CORIN: variants seen among roughly 807,000 people sequenced by gnomAD.
CORIN encodes corin, serine peptidase.
Under a neutral mutation model 125.3 loss-of-function variants are expected in CORIN, and 117 were observed. The ratio of observed to expected loss-of-function variants is 0.93; its 90% CI spans 0.80 to 1.09. The LOEUF (loss-of-function observed/expected upper bound fraction) is 1.09. CORIN is among the 50% of genes least tolerant of loss of function. CORIN has a pLI of 0.00. For synonymous variants in CORIN, 450 were observed against 466.4 expected (o/e 0.96, Z 0.45); for missense variants, 1,253 against 1,306.7 (o/e 0.96, Z 0.63).
chr4:47,645,053 C>G (rs1043566871), intron 14 of CORIN, 28 bp downstream of exon 14: 1 of 1,310,412 alleles, frequency 7.6e-7, no homozygotes, highest in African/African-American at 1.5e-5. Context: ...TAAAAATGCT[C>G]TGTTGACAAA....
At chr4:47,700,062 C>T (rs1726216823) in intron 5 of CORIN, among the ~76,000 whole-genome samples, 1 of 152,152 alleles carries the variant, frequency 6.6e-6, no homozygotes, top group Non-Finnish European at 1.5e-5. Context: ...CTGTTGGCTG[C>T]TTTATACACA....
At chr4:47,652,290 G>A (rs1346163209) in intron 13 of CORIN, among the ~76,000 whole-genome samples, 9 of 152,156 alleles carry the variant, frequency 5.9e-5, no homozygotes, top group Admixed American at 5.9e-4. Context: ...ATTTATAGGA[G>A]CTGACAGGAT....
At chr4:47,790,318 G>A (rs1446823753) in intron 2 of CORIN, 2 of 347,440 alleles carry the variant, frequency 5.8e-6, no homozygotes, top group Non-Finnish European at 8.1e-6. Flanking sequence ...GTGCACTGGG[G>A]TGGAGCCTCA....
intron 5 of CORIN, among the ~76,000 whole-genome samples, chr4:47,731,671 C>T (rs1176208626): frequency 1.3e-5 from 2 of 152,118 alleles, no homozygotes; most frequent in African/African-American, 2.4e-5. Context: ...GAGTTCGAGA[C>T]TAGCCTGGCC....
chr4:47,772,866 G>A (rs1011110526), intron 3 of CORIN, among the ~76,000 whole-genome samples: 1 of 152,068 alleles, frequency 6.6e-6, no homozygotes, highest in African/African-American at 2.4e-5. Flanking sequence ...TAAGAAAATT[G>A]AGGCAGAAAG....
intron 5 of CORIN, among the ~76,000 whole-genome samples, chr4:47,716,634 ATGT>A (rs1236460970): frequency 2.6e-5 from 4 of 152,302 alleles, no homozygotes; most frequent in African/African-American, 7.2e-5. Context: ...ACACAGAATA[ATGT>A]TGTTCAAATA....
rs780867018 is a variant in CORIN at position 47,744,434 on chromosome 4, C to A, written c.767G>T (p.Cys256Phe). 4 of 1,613,954 alleles carry A rather than the reference C, an allele frequency of 2.5e-6. No individual in the cohort carries two copies. In the South Asian group the frequency reaches 4.4e-5, roughly 18 times the overall value. ...QTESSNVSRI[C>F]FSPQQENGKQ... is the part of the protein sequence containing the mutation. ...TCCGTTTTCCTGCTGAGGTGAGAAG[C>A]AAATTCTGCTGACATTGCTGCTTTC... The change falls in exon 5 of 22, where the codon TGC (cysteine) becomes TTC (phenylalanine). Residue 256 changes from cysteine to phenylalanine, a missense_variant. By Grantham distance (205) the Cys-to-Phe change is radical. Transcript: ENST00000273857.
intron 20 of CORIN, among the ~76,000 whole-genome samples, chr4:47,600,932 G>A (rs941596252): frequency 2.0e-5 from 3 of 152,256 alleles, no homozygotes; most frequent in African/African-American, 4.8e-5. Flanking sequence ...GAGAGAATAT[G>A]TGAATTCCAT....
intron 3 of CORIN, among the ~76,000 whole-genome samples, chr4:47,783,020 G>A (rs988938522): frequency 6.6e-6 from 1 of 151,918 alleles, no homozygotes; most frequent in African/African-American, 2.4e-5. Context: ...GATGTGATAA[G>A]AGAACAGAAC....
intron 4 of CORIN, among the ~76,000 whole-genome samples, chr4:47,762,722 A>C (rs1243044479): frequency 2.0e-5 from 3 of 152,224 alleles, no homozygotes; most frequent in African/African-American, 7.2e-5. Context: ...CACCATGCTC[A>C]CATGAATTAT....
chr4:47,821,878 T>G (rs1000601379), intron 1 of CORIN, among the ~76,000 whole-genome samples: 7 of 152,184 alleles, frequency 4.6e-5, no homozygotes, highest in Non-Finnish European at 1.0e-4. Context: ...TCTATAAATG[T>G]TTAATACTTG....
chr4:47,709,977 G>T (rs1315193098), intron 5 of CORIN, among the ~76,000 whole-genome samples: 1 of 152,188 alleles, frequency 6.6e-6, no homozygotes, highest in Admixed American at 6.5e-5. Context: ...GTCTAGAGTT[G>T]ATGAGTCTCA....
chr4:47,694,823 C>T (rs1478423776), intron 5 of CORIN, among the ~76,000 whole-genome samples: 1 of 152,002 alleles, frequency 6.6e-6, no homozygotes, highest in Non-Finnish European at 1.5e-5. Flanking sequence ...TACCTAAATC[C>T]CTAATAGAAC....
chr4:47,765,035 G>A (rs1360991898), intron 3 of CORIN, among the ~76,000 whole-genome samples: 2 of 152,092 alleles, frequency 1.3e-5, no homozygotes, highest in Non-Finnish European at 1.5e-5. Flanking sequence ...CTAGGGGCCG[G>A]GTGCGGTGGC....
chr4:47,786,722 T>TA lies in CORIN; in HGVS notation c.409+2dup, dbSNP rs773616199. 1 of 1,612,902 alleles carries TA rather than the reference T, an allele frequency of 6.2e-7. No homozygotes were observed. The highest frequency in any genetic ancestry group is 8.5e-7 in the Non-Finnish European group (1 of 1,178,978). ...CTCTAGCATGTATCACCTTTGGACT[T>TA]ACTTGTATTCCTGTGACTTTGGTCC... On this transcript the variant is annotated splice_region_variant and intron_variant, in intron 3 of 21. Coordinates refer to ENST00000273857, the MANE Select transcript of CORIN (RefSeq NM_006587.4).
intron 16 of CORIN, among the ~76,000 whole-genome samples, chr4:47,633,191 G>A (rs971918633): frequency 6.6e-6 from 1 of 152,086 alleles, no homozygotes; most frequent in African/African-American, 2.4e-5. Context: ...CAAAGCAAAG[G>A]GGGGAGGTTA....
chr4:47,804,287 A>T (rs1335320127), intron 2 of CORIN, among the ~76,000 whole-genome samples: 4 of 152,194 alleles, frequency 2.6e-5, no homozygotes, highest in Non-Finnish European at 5.9e-5. Flanking sequence ...CACTATAAAG[A>T]ACAGTTTGGA....
At chr4:47,783,576 T>C (rs927338836) in intron 3 of CORIN, among the ~76,000 whole-genome samples, 7 of 152,228 alleles carry the variant, frequency 4.6e-5, no homozygotes, top group African/African-American at 1.4e-4. Context: ...CATTGTATTT[T>C]TGGACTGAAG....
At chr4:47,674,902 T>C (rs1011010009) in intron 9 of CORIN, among the ~76,000 whole-genome samples, 1 of 152,226 alleles carries the variant, frequency 6.6e-6, no homozygotes, top group South Asian at 2.1e-4. Flanking sequence ...TTAAGACTCA[T>C]TTGCTCCCAA....
Sources: allele counts gnomAD v4.1 joint callset (sites outside exome capture counted in the v4.1 genomes callset), GRCh38; gene constraint gnomAD v4.1.1; transcripts MANE v1.5; gene names NCBI Gene and HGNC (gene_info 2026-07-23, HGNC 2026-07-21).